The following LRRTM4 variants were observed in gnomAD, a reference collection of about 807,000 sequenced individuals.
The protein encoded by LRRTM4 is leucine-rich repeat transmembrane neuronal protein 4.
A neutral mutation model predicts 47.6 loss-of-function variants in LRRTM4; 25 were observed. The ratio of observed to expected loss-of-function variants is 0.53; its 90% CI spans 0.38 to 0.73. The LOEUF is 0.73. Ranked by LOEUF, LRRTM4 falls within the 30% of genes least tolerant of loss-of-function variation. The pLI is 0.00. For synonymous variants in LRRTM4, 311 were observed against 269.5 expected (o/e 1.15, Z -1.51); for missense variants, 638 against 713.4 (o/e 0.89, Z 1.20).
intron 3 of LRRTM4, among the ~76,000 whole-genome samples, chr2:77,505,176 T>A (rs1329508092): frequency 6.6e-6 from 1 of 151,144 alleles, no homozygotes; most frequent in Admixed American, 6.6e-5. Flanking sequence ...AACCATAATT[T>A]ATTCCAGAAA....
intron 3 of LRRTM4, among the ~76,000 whole-genome samples, chr2:76,752,669 A>G (rs1672891829): frequency 6.6e-6 from 1 of 152,184 alleles, no homozygotes; most frequent in Non-Finnish European, 1.5e-5. Flanking sequence ...AATCAACTGA[A>G]TTCGTGGTTT....
At chr2:76,789,766 A>G (rs1191430735) in intron 3 of LRRTM4, among the ~76,000 whole-genome samples, 1 of 152,194 alleles carries the variant, frequency 6.6e-6, no homozygotes, top group Non-Finnish European at 1.5e-5. Context: ...GGTTTCAAAG[A>G]GATGGAAGTC....
At chr2:76,860,483 C>T (rs1672281004) in intron 3 of LRRTM4, among the ~76,000 whole-genome samples, 1 of 152,082 alleles carries the variant, frequency 6.6e-6, no homozygotes, top group Non-Finnish European at 1.5e-5. Context: ...TAGCTGTGCA[C>T]ACTATGATAT....
intron 3 of LRRTM4, among the ~76,000 whole-genome samples, chr2:76,981,665 A>C (rs1446191079): frequency 1.3e-5 from 2 of 151,810 alleles, no homozygotes; most frequent in African/African-American, 4.8e-5. Flanking sequence ...GCTAGTTTCT[A>C]AATTTTTTGC....
chr2:76,935,395 A>G lies in LRRTM4; in HGVS notation c.1552-186479T>C, dbSNP rs561747358. Among the ~76,000 whole-genome samples the G allele has an allele frequency of 2.6e-4, 39 of 152,254 alleles. 1 individual carries two copies. The South Asian group carries it at 6.2e-3, about 24-fold the overall frequency. ...TTTTTCAATTCTGTGAAGAAAGTCA[A>G]TGGTAGCTTGATGGGAATAGCATTG... On this transcript the variant is annotated intron_variant, in intron 3 of 3. Coordinates refer to ENST00000409884, the MANE Select transcript of LRRTM4 (RefSeq NM_001134745.3).
intron 3 of LRRTM4, among the ~76,000 whole-genome samples, chr2:76,968,851 G>T (rs1297370757): frequency 6.6e-6 from 1 of 151,696 alleles, no homozygotes; most frequent in African/African-American, 2.4e-5. Context: ...TTGATTTGTG[G>T]CTTCCTTTTA....
intron 3 of LRRTM4, among the ~76,000 whole-genome samples, chr2:77,435,286 G>C (rs1213485812): frequency 6.6e-6 from 1 of 152,094 alleles, no homozygotes; most frequent in Non-Finnish European, 1.5e-5. Flanking sequence ...TCTCATAACT[G>C]ATGTTGAAGA....
At chr2:76,781,580 C>T (rs1264120295) in intron 3 of LRRTM4, among the ~76,000 whole-genome samples, 1 of 152,242 alleles carries the variant, frequency 6.6e-6, no homozygotes, top group African/African-American at 2.4e-5. Flanking sequence ...CCTTGCGCTT[C>T]CCAAGTGAGG....
At chr2:77,039,753 ATTT>A (rs1678962093) in intron 3 of LRRTM4, among the ~76,000 whole-genome samples, 1 of 151,162 alleles carries the variant, frequency 6.6e-6, no homozygotes, top group African/African-American at 2.4e-5. Context: ...AAGAAATATT[ATTT>A]GATTCTTTAA....
At chr2:77,080,126 A>G (rs1680483855) in intron 3 of LRRTM4, among the ~76,000 whole-genome samples, 1 of 152,164 alleles carries the variant, frequency 6.6e-6, no homozygotes, top group African/African-American at 2.4e-5. Flanking sequence ...GCTAAATTCA[A>G]TGTTTATTTC....
intron 3 of LRRTM4, among the ~76,000 whole-genome samples, chr2:77,325,344 G>A (rs1315893468): frequency 6.6e-6 from 1 of 152,252 alleles, no homozygotes; most frequent in African/African-American, 2.4e-5. Context: ...CTCTCACTGT[G>A]GGTGGAACTG....
chr2:77,429,710 A>G (rs1445252918), intron 3 of LRRTM4, among the ~76,000 whole-genome samples: 4 of 152,168 alleles, frequency 2.6e-5, no homozygotes. Flanking sequence ...TGGGACAGAA[A>G]GAAGGGGTGG....
At chr2:77,055,103 C>T (rs1355198726) in intron 3 of LRRTM4, among the ~76,000 whole-genome samples, 1 of 152,102 alleles carries the variant, frequency 6.6e-6, no homozygotes, top group Non-Finnish European at 1.5e-5. Context: ...ACTGACTCCG[C>T]TACTTAGAGT....
rs556853362 is a variant in LRRTM4, at chr2:76,964,144, CAA to C, written c.1552-215230_1552-215229del. On this transcript the variant is annotated intron_variant, in intron 3 of 3. Transcript: ENST00000409884. ...TGAGCCTAAACCCCTATGAGCCAAA[CAA>C]AATGAATGTTTGTAGCTGTGACCCT... is the stretch of plus-strand genomic sequence containing the variant. Among the ~76,000 whole-genome samples, 7 of 151,032 alleles carry C rather than the reference CAA, an allele frequency of 4.6e-5. No homozygotes were observed. The South Asian group carries it at 1.2e-3, about 27-fold the overall frequency.
At chr2:77,216,019 G>A (rs1453187878) in intron 3 of LRRTM4, among the ~76,000 whole-genome samples, 1 of 152,154 alleles carries the variant, frequency 6.6e-6, no homozygotes, top group African/African-American at 2.4e-5. Context: ...GAACGTTAGA[G>A]CTGGTCTAAG....
At chr2:77,104,710 C>T (rs919345811) in intron 3 of LRRTM4, among the ~76,000 whole-genome samples, 7 of 152,214 alleles carry the variant, frequency 4.6e-5, no homozygotes, top group Admixed American at 1.3e-4. Flanking sequence ...CACTTGGTGG[C>T]GCCAATTTGA....
rs1362748174 is a variant in LRRTM4, at chr2:77,521,626, G to A, written c.4+42C>T. On this transcript the variant is annotated intron_variant, in intron 2 of 3. Transcript: ENST00000409884. The stretch of plus-strand genomic sequence containing the variant: ...CACGACTGAGGATAGGAAGCCAAGA[G>A]GATCAGCTTTGCTCAGAAGGAAACA... The A allele has an allele frequency of 3.7e-6, 6 of 1,610,958 alleles. No individual in the cohort carries two copies. In the Admixed American group the frequency reaches 5.0e-5, roughly 13 times the overall value.
At chr2:76,935,346 T>C (rs780178265) in intron 3 of LRRTM4, among the ~76,000 whole-genome samples, 1 of 152,164 alleles carries the variant, frequency 6.6e-6, no homozygotes, top group Non-Finnish European at 1.5e-5. Context: ...CTCTTTTTGG[T>C]TTCATATGAA....
chr2:77,428,018 C>T (rs1675192362), intron 3 of LRRTM4, among the ~76,000 whole-genome samples: 1 of 152,170 alleles, frequency 6.6e-6, no homozygotes, highest in African/African-American at 2.4e-5. Context: ...TACTCCCATG[C>T]TACTGTTCTT....
Sources: gnomAD v4.1 joint callset for allele counts (sites outside exome capture counted in the v4.1 genomes callset) on GRCh38, gnomAD v4.1.1 for gene constraint, MANE v1.5 for transcripts, NCBI Gene and HGNC (gene_info 2026-07-23, HGNC 2026-07-21) for gene names.